The following ASAP1 variants were observed in gnomAD, a reference collection of about 807,000 sequenced individuals.
ASAP1 encodes the protein arf-GAP with SH3 domain, ANK repeat and PH domain-containing protein 1.
A neutral mutation model predicts 145.2 loss-of-function variants in ASAP1; 43 were observed. That is an observed-to-expected ratio of 0.30 (90% CI 0.23 to 0.38). ASAP1 has a LOEUF of 0.38. Ranked by LOEUF, ASAP1 falls within the 10% of genes least tolerant of loss-of-function variation. ASAP1 has a pLI of 1.00. For missense variants in ASAP1, 1,018 were observed against 1,355.3 expected, an observed-to-expected ratio of 0.75 and a Z score of 3.91; for synonymous variants, 546 against 515.5, an observed-to-expected ratio of 1.06 and a Z score of -0.80.
At chr8:130,431,874 GA>G (rs1309123468) in intron 1 of ASAP1, among the ~76,000 whole-genome samples, 4 of 142,136 alleles carry the variant, frequency 2.8e-5, no homozygotes, top group Non-Finnish European at 6.1e-5. Context: ...GGAGGAGTAG[GA>G]GGGGGAAAGG....
At chr8:130,385,598 T>A (rs531580655) in intron 2 of ASAP1, among the ~76,000 whole-genome samples, 1 of 152,230 alleles carries the variant, frequency 6.6e-6, no homozygotes, top group Non-Finnish European at 1.5e-5. Flanking sequence ...GAATCTCAAC[T>A]GGTCTCTGAC....
At chr8:130,287,611 G>A (rs901431063) in intron 3 of ASAP1, among the ~76,000 whole-genome samples, 4 of 152,182 alleles carry the variant, frequency 2.6e-5, no homozygotes, top group African/African-American at 9.7e-5. Flanking sequence ...CAAGGAAGGC[G>A]AGTTCTGTGG....
intron 4 of ASAP1, among the ~76,000 whole-genome samples, chr8:130,225,303 G>T (rs947299079): frequency 2.6e-5 from 4 of 152,124 alleles, no homozygotes; most frequent in African/African-American, 9.7e-5. Context: ...GTATGCAAAA[G>T]ACTTTTTTGG....
At chr8:130,246,757 C>G (rs1022107500) in intron 3 of ASAP1, among the ~76,000 whole-genome samples, 9 of 152,148 alleles carry the variant, frequency 5.9e-5, no homozygotes, top group Non-Finnish European at 1.3e-4. Flanking sequence ...ACAACTACAG[C>G]CATTCCATAC....
At chr8:130,363,509 A>G (rs141145979) in intron 2 of ASAP1, among the ~76,000 whole-genome samples, 1 of 152,344 alleles carries the variant, frequency 6.6e-6, no homozygotes, top group African/African-American at 2.4e-5. Flanking sequence ...TTATAAAGTA[A>G]GTATATTTAT....
At chr8:130,174,181 C>A (rs1813794032) in intron 9 of ASAP1, among the ~76,000 whole-genome samples, 1 of 150,636 alleles carries the variant, frequency 6.6e-6, no homozygotes, top group Non-Finnish European at 1.5e-5. Flanking sequence ...TACGTGGTAA[C>A]CTTGGGCAGT....
At chr8:130,344,473 A>C (rs1293489238) in intron 3 of ASAP1, among the ~76,000 whole-genome samples, 1 of 152,228 alleles carries the variant, frequency 6.6e-6, no homozygotes, top group Non-Finnish European at 1.5e-5. Context: ...AATCAGGGGA[A>C]GGAGGCAGAA....
chr8:130,166,877 T>C (rs1348725107), intron 11 of ASAP1, among the ~76,000 whole-genome samples: 1 of 152,214 alleles, frequency 6.6e-6, no homozygotes, highest in East Asian at 1.9e-4. Context: ...TCAAAATATT[T>C]CCCTGGCAAA....
intron 3 of ASAP1, among the ~76,000 whole-genome samples, chr8:130,265,980 G>A (rs1051601484): frequency 1.3e-5 from 2 of 152,220 alleles, no homozygotes; most frequent in African/African-American, 2.4e-5. Context: ...CAGTAAGCAT[G>A]TGAGGTGATT....
At chr8:130,379,225 G>A (rs987839615) in intron 2 of ASAP1, among the ~76,000 whole-genome samples, 1 of 152,146 alleles carries the variant, frequency 6.6e-6, no homozygotes, top group Non-Finnish European at 1.5e-5. Flanking sequence ...AGAGGGCATG[G>A]AGACTGTACC....
intron 8 of ASAP1, among the ~76,000 whole-genome samples, chr8:130,180,531 C>T (rs1814282373): frequency 6.6e-6 from 1 of 152,208 alleles, no homozygotes; most frequent in African/African-American, 2.4e-5. Context: ...CCTGTTTTGG[C>T]TTAAACAGCC....
intron 1 of ASAP1, among the ~76,000 whole-genome samples, chr8:130,433,288 C>G (rs576507409): frequency 6.6e-6 from 1 of 152,274 alleles, no homozygotes; most frequent in South Asian, 2.1e-4. Flanking sequence ...TAGACCTCCC[C>G]AAAAATAGCC....
intron 3 of ASAP1, among the ~76,000 whole-genome samples, chr8:130,356,595 G>A (rs952317287): frequency 6.6e-6 from 1 of 152,214 alleles, no homozygotes; most frequent in East Asian, 1.9e-4. Flanking sequence ...AACAAACCTA[G>A]TTAGGTGGTA....
intron 3 of ASAP1, among the ~76,000 whole-genome samples, chr8:130,332,917 T>G (rs900121849): frequency 3.8e-5 from 3 of 78,380 alleles, no homozygotes; most frequent in Admixed American, 1.3e-4. Context: ...AAAAAAGAAG[T>G]TTTTTTTTTT....
chr8:130,106,225 A>C (rs921625954), intron 24 of ASAP1, among the ~76,000 whole-genome samples: 1 of 152,174 alleles, frequency 6.6e-6, no homozygotes, highest in African/African-American at 2.4e-5. Context: ...ACAAAACACG[A>C]ATCAAGGGTG....
intron 3 of ASAP1, among the ~76,000 whole-genome samples, chr8:130,239,698 T>C (rs1010076331): frequency 1.3e-5 from 2 of 152,094 alleles, no homozygotes; most frequent in Admixed American, 1.3e-4. Flanking sequence ...CTGAATCCAA[T>C]GGGTTTATTC....
chr8:130,296,229 G>A (rs1822263746), intron 3 of ASAP1, among the ~76,000 whole-genome samples: 1 of 152,216 alleles, frequency 6.6e-6, no homozygotes, highest in African/African-American at 2.4e-5. Context: ...CCACTCTGGG[G>A]ATGATGTTTC....
intron 13 of ASAP1, among the ~76,000 whole-genome samples, chr8:130,150,668 C>T (rs1377341399): frequency 3.3e-5 from 5 of 151,862 alleles, no homozygotes; most frequent in African/African-American, 1.2e-4. Context: ...CACTTAAGCT[C>T]AGGAGCTTGA....
chr8:130,133,992 A>G (rs2097588334), intron 15 of ASAP1, among the ~76,000 whole-genome samples: 1 of 152,248 alleles, frequency 6.6e-6, no homozygotes, highest in African/African-American at 2.4e-5. Context: ...AAAGGGCTGC[A>G]GACATGCACC....
Sources: allele counts gnomAD v4.1 joint callset (sites outside exome capture counted in the v4.1 genomes callset), GRCh38; gene constraint gnomAD v4.1.1; transcripts MANE v1.5; gene names NCBI Gene and HGNC (gene_info 2026-07-23, HGNC 2026-07-21).